The following KIF26B variants were observed in gnomAD, a reference collection of about 807,000 sequenced individuals.
KIF26B encodes the protein kinesin family member 26B, also known as kinesin-like protein KIF26B.
Under a neutral mutation model 151.2 loss-of-function variants are expected in KIF26B, and 63 were observed. That is an observed-to-expected ratio of 0.42 (90% CI 0.34 to 0.51). The LOEUF (loss-of-function observed/expected upper bound fraction) is 0.51, where lower values mean the gene tolerates loss of function less well. Ranked by LOEUF, KIF26B falls within the 20% of genes least tolerant of loss-of-function variation. The pLI, the probability that KIF26B is intolerant of heterozygous loss-of-function variation, is 0.07. For missense variants in KIF26B, 2,813 were observed against 2,913.6 expected, an observed-to-expected ratio of 0.97 and a Z score of 0.79; for synonymous variants, 1,357 against 1,262.1, an observed-to-expected ratio of 1.08 and a Z score of -1.59.
In KIF26B at chr1:245,686,182, C is replaced by G. The variant is rs774269022; in HGVS notation, c.3199C>G (p.Arg1067Gly). ...EGKPRPMGSP[R>G]LGIASLSKTS... ...CAAGCCCAGGCCCATGGGCTCCCCC[C>G]GGCTGGGCATCGCCAGCCTGTCCAA... The change falls in exon 12 of 15, where the codon CGG becomes GGG. Residue 1067 changes from arginine (R) to glycine (G), a missense_variant. Around this residue, in one of 3 missense-constraint regions of KIF26B, gnomAD observed 2,060 missense variants for 2,088.6 expected, o/e 0.99. Coordinates refer to ENST00000407071, the MANE Select transcript of KIF26B (RefSeq NM_018012.4). This position sits in a 1 kb window ranked among gnomAD's most constrained non-coding sequence, Gnocchi z 5.6. The G allele has an allele frequency of 1.2e-5, 19 of 1,612,420 alleles. No homozygotes were observed. Among genetic ancestry groups the G allele is most frequent in the South Asian group, 3.3e-5 (3 of 91,082 alleles).
chr1:245,369,166 A>AGT (rs1252264024), intron 3 of KIF26B, among the ~76,000 whole-genome samples: 1 of 129,724 alleles, frequency 7.7e-6, no homozygotes, highest in Non-Finnish European at 1.6e-5. Context: ...AAAAAAGAAG[A>AGT]GTGAGAGAGA....
rs1659981986 is a variant in KIF26B, at chr1:245,474,266, A to G, written c.1166+54521A>G. On this transcript the variant is annotated intron_variant, in intron 4 of 14. Coordinates refer to ENST00000407071, the MANE Select transcript of KIF26B (RefSeq NM_018012.4). ...TGGGACTACAGGTGCCCGCCACCAC[A>G]TCTGGCTAATTTTTTGTATTTTTAG... Among the ~76,000 whole-genome samples the G allele has an allele frequency of 3.4e-5, 5 of 148,984 alleles. 1 individual carries two copies. The highest frequency in any genetic ancestry group is 6.0e-5 in the Non-Finnish European group (4 of 66,940).
At chr1:245,235,978 G>A (rs1213150153) in intron 2 of KIF26B, among the ~76,000 whole-genome samples, 1 of 149,270 alleles carries the variant, frequency 6.7e-6, no homozygotes, top group Admixed American at 6.7e-5. Flanking sequence ...CACCCAGGCT[G>A]GAGGGCAGTG....
At chr1:245,535,256 C>G (rs1237765658) in intron 4 of KIF26B, among the ~76,000 whole-genome samples, 6 of 152,080 alleles carry the variant, frequency 3.9e-5, no homozygotes, top group Non-Finnish European at 8.8e-5. Context: ...AAAAAAAGAT[C>G]AAACAGCTGC....
At chr1:245,168,882 A>C (rs1294068722) in intron 2 of KIF26B, among the ~76,000 whole-genome samples, 1 of 152,126 alleles carries the variant, frequency 6.6e-6, no homozygotes, top group Non-Finnish European at 1.5e-5. Context: ...GTTATCATCG[A>C]TTTTTATTTT....
intron 3 of KIF26B, among the ~76,000 whole-genome samples, chr1:245,410,441 TTC>T (rs143484603): frequency 4.0e-5 from 6 of 151,008 alleles, no homozygotes; most frequent in South Asian, 2.1e-4. Flanking sequence ...TGTTGTGGGA[TTC>T]TCTCTCTCTC....
chr1:245,556,527 G>A (rs1427972782), intron 5 of KIF26B, among the ~76,000 whole-genome samples: 1 of 152,118 alleles, frequency 6.6e-6, no homozygotes, highest in Non-Finnish European at 1.5e-5. Context: ...AGGCCCCCAA[G>A]TAGCTGGGAC....
At chr1:245,275,423 T>C (rs1305246603) in intron 2 of KIF26B, among the ~76,000 whole-genome samples, 2 of 152,202 alleles carry the variant, frequency 1.3e-5, no homozygotes, top group African/African-American at 4.8e-5. Flanking sequence ...TCCTGAATGG[T>C]ATTGCCTAGG....
chr1:245,365,496 C>T (rs1037194998), intron 2 of KIF26B, among the ~76,000 whole-genome samples: 2 of 151,438 alleles, frequency 1.3e-5, no homozygotes, highest in African/African-American at 2.4e-5. Context: ...CTTCCTGCCC[C>T]GTCACTGCCT....
At chr1:245,590,905 C>CAAAAA (rs1397008835) in intron 5 of KIF26B, among the ~76,000 whole-genome samples, 4 of 93,860 alleles carry the variant, frequency 4.3e-5, no homozygotes, top group African/African-American at 1.7e-4. Context: ...GATCCTGTCT[C>CAAAAA]AAAAAAAAGA....
intron 7 of KIF26B, 76 bp from the exon 8 acceptor site, chr1:245,609,190 G>T: frequency 7.5e-7 from 1 of 1,332,616 alleles, no homozygotes; most frequent in Non-Finnish European, 1.0e-6. Flanking sequence ...CTATATCCTT[G>T]GCATCTATTT....
chr1:245,434,827 T>A (rs1658864646), intron 4 of KIF26B, among the ~76,000 whole-genome samples: 1 of 152,166 alleles, frequency 6.6e-6, no homozygotes, highest in Admixed American at 6.5e-5. Flanking sequence ...GACTCTGGTA[T>A]CTTCCTTCCT....
chr1:245,212,545 C>T (rs1573711437), intron 2 of KIF26B, among the ~76,000 whole-genome samples: 1 of 152,234 alleles, frequency 6.6e-6, no homozygotes, highest in Admixed American at 6.5e-5. Flanking sequence ...CTCCTCTTTG[C>T]CCCCAATCCT....
At chr1:245,490,690 G>A (rs1538467) in intron 4 of KIF26B, among the ~76,000 whole-genome samples, 76,914 of 151,940 alleles carry the variant, frequency 0.51, 19,894 homozygotes, top group East Asian at 0.81. Flanking sequence ...AAAAGCAGCC[G>A]TTTCATATTA....
At chr1:245,209,637 T>C (rs371670945) in intron 2 of KIF26B, among the ~76,000 whole-genome samples, 7 of 152,108 alleles carry the variant, frequency 4.6e-5, no homozygotes, top group African/African-American at 1.7e-4. Context: ...CATGAGAGAT[T>C]CTCATCGGTG....
At chr1:245,632,835 G>C (rs1182517222) in intron 9 of KIF26B, among the ~76,000 whole-genome samples, 2 of 152,180 alleles carry the variant, frequency 1.3e-5, no homozygotes, top group Non-Finnish European at 2.9e-5. Flanking sequence ...TTGAGCCTGG[G>C]AGATTGAGGC....
At chr1:245,481,915 C>T (rs571885483) in intron 4 of KIF26B, among the ~76,000 whole-genome samples, 3 of 151,646 alleles carry the variant, frequency 2.0e-5, no homozygotes, top group Non-Finnish European at 4.4e-5. Context: ...ACAGCAGCGT[C>T]TAACCGATAG....
At chr1:245,624,246 A>G (rs1182860045) in intron 9 of KIF26B, among the ~76,000 whole-genome samples, 2 of 151,718 alleles carry the variant, frequency 1.3e-5, no homozygotes, top group Admixed American at 1.3e-4. Context: ...AAAAACCTAT[A>G]CTAGAACTGG....
chr1:245,419,788 A>G (rs758639099), intron 4 of KIF26B, 43 bp downstream of exon 4: 5 of 1,550,354 alleles, frequency 3.2e-6, no homozygotes, highest in East Asian at 4.6e-5. Context: ...CGATGAGCCC[A>G]GCTGGTTAGC....
Sources: allele counts gnomAD v4.1 joint callset (sites outside exome capture counted in the v4.1 genomes callset), GRCh38; gene constraint gnomAD v4.1.1; regional missense constraint gnomAD v4.1.1; non-coding constraint Gnocchi (gnomAD v3.1); transcripts MANE v1.5; gene names NCBI Gene and HGNC (gene_info 2026-07-23, HGNC 2026-07-21).